FRMD5: variants seen among roughly 807,000 people sequenced by gnomAD.
FRMD5 encodes FERM domain-containing protein 5.
FRMD5 carries 20 observed loss-of-function variants against 69.0 expected under a neutral mutation model. That is an observed-to-expected ratio of 0.29 (90% CI 0.20 to 0.42). The LOEUF (loss-of-function observed/expected upper bound fraction) is 0.42, where lower values mean the gene tolerates loss of function less well. FRMD5 is among the 10% of genes least tolerant of loss of function. FRMD5 has a pLI of 1.00. For synonymous variants in FRMD5, 271 were observed against 260.1 expected, an observed-to-expected ratio of 1.04 and a Z score of -0.40; for missense variants, 595 against 708.6, an observed-to-expected ratio of 0.84 and a Z score of 1.82.
At chr15:43,964,458 G>A (rs187611984) in intron 1 of FRMD5, among the ~76,000 whole-genome samples, 1 of 149,088 alleles carries the variant, frequency 6.7e-6, no homozygotes, top group African/African-American at 2.5e-5. Context: ...TCCAGCCTGG[G>A]CAACAGAGTG....
intron 1 of FRMD5, among the ~76,000 whole-genome samples, chr15:43,979,463 T>C (rs2090515582): frequency 1.3e-5 from 2 of 152,308 alleles, no homozygotes; most frequent in Admixed American, 6.5e-5. Flanking sequence ...CTAGAGTCCA[T>C]TGTTGAGGCA....
chr15:43,940,659 T>A (rs1302149569), intron 1 of FRMD5, among the ~76,000 whole-genome samples: 6 of 152,134 alleles, frequency 3.9e-5, no homozygotes, highest in African/African-American at 1.4e-4. Flanking sequence ...AGTCGGGAAA[T>A]CACTGTAACA....
intron 1 of FRMD5, among the ~76,000 whole-genome samples, chr15:44,044,723 T>C (rs1170824440): frequency 2.2e-5 from 3 of 135,400 alleles, no homozygotes; most frequent in East Asian, 4.2e-4. Flanking sequence ...TGAGAACACA[T>C]GGACACAGGG....
At chr15:44,101,105 C>T (rs201556282) in intron 1 of FRMD5, among the ~76,000 whole-genome samples, 3 of 150,750 alleles carry the variant, frequency 2.0e-5, no homozygotes, top group South Asian at 2.1e-4. Context: ...GCCGAGATCG[C>T]GCCACTGCAC....
intron 1 of FRMD5, among the ~76,000 whole-genome samples, chr15:43,950,647 G>C (rs1376281547): frequency 6.6e-6 from 1 of 152,190 alleles, no homozygotes; most frequent in Non-Finnish European, 1.5e-5. Flanking sequence ...CAATGGATCT[G>C]AGTCCCCAGA....
intron 1 of FRMD5, among the ~76,000 whole-genome samples, chr15:44,040,047 G>A (rs541563973): frequency 4.6e-5 from 7 of 151,854 alleles, no homozygotes; most frequent in South Asian, 2.1e-4. Context: ...ATCAATAGCC[G>A]AATCGATCAA....
intron 1 of FRMD5, among the ~76,000 whole-genome samples, chr15:43,996,736 T>TG (rs1889947826): frequency 7.2e-6 from 1 of 138,038 alleles, no homozygotes; most frequent in East Asian, 2.0e-4. Context: ...TTTTTTTTTT[T>TG]GTATACCAGT....
At chr15:44,192,346 T>C (rs907286811) in intron 1 of FRMD5, among the ~76,000 whole-genome samples, 3 of 152,170 alleles carry the variant, frequency 2.0e-5, no homozygotes, top group Admixed American at 6.5e-5. Context: ...TTCTGTAATA[T>C]CCTAAGTAGT....
rs369216960 is a variant in FRMD5, at chr15:43,961,683, T to G, written c.103-37374A>C. Among the ~76,000 whole-genome samples the G allele has an allele frequency of 3.4e-4, 51 of 152,226 alleles. 1 individual carries two copies. The highest frequency in any genetic ancestry group is 9.9e-4 in the African/African-American group (41 of 41,554). On this transcript the variant is annotated intron_variant, in intron 1 of 13. Coordinates refer to ENST00000417257, the MANE Select transcript of FRMD5 (RefSeq NM_032892.5). Reference sequence around the variant, plus strand: ...AAATACTGGCAAACCGAATCCAGCATCACATCAAAAAGCTTATCCACCATG... The same window carrying G: ...AAATACTGGCAAACCGAATCCAGCAGCACATCAAAAAGCTTATCCACCATG...
intron 1 of FRMD5, among the ~76,000 whole-genome samples, chr15:44,138,387 A>G (rs1247261671): frequency 6.6e-6 from 1 of 152,202 alleles, no homozygotes. Context: ...GTGAAACTGC[A>G]TAACATCAAA....
intron 1 of FRMD5, among the ~76,000 whole-genome samples, chr15:43,973,557 G>A (rs1443059369): frequency 1.5e-4 from 23 of 151,450 alleles, no homozygotes; most frequent in African/African-American, 2.7e-4. Context: ...TAGCAGAGAC[G>A]GGGTTTCACC....
chr15:43,873,269 C>A lies in FRMD5; in HGVS notation c.*616G>T. 1.3e-6 allele frequency: 2 copies of A among 1,543,744 alleles called. No individual in the cohort carries two copies. Among genetic ancestry groups the A allele is most frequent in the Non-Finnish European group, 1.7e-6 (2 of 1,145,242 alleles). ...AAAGGAAAAGAAAATCCAACTCAGA[C>A]CATCATAAGAAGCAACTTTCCATTT... On this transcript the variant is annotated 3_prime_UTR_variant, in exon 14 of 14. Transcript: ENST00000417257.
At chr15:44,069,055 G>A (rs193044408) in intron 1 of FRMD5, among the ~76,000 whole-genome samples, 88 of 152,252 alleles carry the variant, frequency 5.8e-4, no homozygotes, top group African/African-American at 2.1e-3. Flanking sequence ...AGGATATACT[G>A]ATGGCAAATA....
intron 1 of FRMD5, among the ~76,000 whole-genome samples, chr15:44,047,097 A>G (rs1180932766): frequency 1.3e-5 from 2 of 152,192 alleles, no homozygotes; most frequent in Non-Finnish European, 2.9e-5. Flanking sequence ...ACTTGAAGTC[A>G]GGAGTTCAAA....
intron 1 of FRMD5, among the ~76,000 whole-genome samples, chr15:44,092,927 CTTTTTTT>C (rs3040924): frequency 6.3e-5 from 5 of 79,392 alleles, no homozygotes; most frequent in Non-Finnish European, 4.8e-5. Flanking sequence ...TATCCTCTGC[CTTTTTTT>C]TTTTTTTTTT....
At chr15:44,131,130 T>A (rs2077091889) in intron 1 of FRMD5, among the ~76,000 whole-genome samples, 1 of 152,084 alleles carries the variant, frequency 6.6e-6, no homozygotes, top group South Asian at 2.1e-4. Context: ...CAAATGAGTA[T>A]CAAAAAAGTA....
intron 8 of FRMD5, among the ~76,000 whole-genome samples, chr15:43,890,308 G>C (rs1268523904): frequency 6.6e-6 from 1 of 152,202 alleles, no homozygotes; most frequent in Non-Finnish European, 1.5e-5. Flanking sequence ...GTGAAGAGGA[G>C]ACTTCTAGAA....
At chr15:43,900,553 C>T (rs2089019823) in intron 7 of FRMD5, among the ~76,000 whole-genome samples, 1 of 151,738 alleles carries the variant, frequency 6.6e-6, no homozygotes. Flanking sequence ...AATAAATCAC[C>T]ATCTTCTCAC....
intron 1 of FRMD5, 69 bp downstream of exon 1, chr15:44,194,884 C>G (rs1232948281): frequency 1.5e-6 from 2 of 1,367,388 alleles, no homozygotes; most frequent in Admixed American, 2.0e-5. Context: ...GCGGCCGCCG[C>G]CGGCCAAGTT....
Sources: gnomAD v4.1 joint callset for allele counts (sites outside exome capture counted in the v4.1 genomes callset) on GRCh38, gnomAD v4.1.1 for gene constraint, MANE v1.5 for transcripts, NCBI Gene and HGNC (gene_info 2026-07-23, HGNC 2026-07-21) for gene names.